Variants in THADA observed in about 807,000 individuals in gnomAD.
THADA encodes the protein THADA armadillo repeat containing.
THADA carries 213 observed loss-of-function variants against 219.8 expected under a neutral mutation model. The ratio of observed to expected loss-of-function variants is 0.97; its 90% CI spans 0.87 to 1.09. The LOEUF is 1.09. Ranked by LOEUF, THADA falls within the 50% of genes least tolerant of loss-of-function variation. The probability of loss-of-function intolerance (pLI) is 0.00; values close to 1 mark genes in which losing one functional copy is unlikely to be tolerated. For synonymous variants in THADA, 1,018 were observed against 828.9 expected, an observed-to-expected ratio of 1.23 and a Z score of -3.92; for missense variants, 2,956 against 2,311.3, an observed-to-expected ratio of 1.28 and a Z score of -5.72.
intron 29 of THADA, among the ~76,000 whole-genome samples, chr2:43,393,550 A>G (rs1265088882): frequency 6.6e-6 from 1 of 152,130 alleles, no homozygotes; most frequent in African/African-American, 2.4e-5. Context: ...TCTACTAAAA[A>G]TACAAAAATT....
rs780267647 is a variant in THADA, at chr2:43,556,379, C to T, written c.2640G>A (p.Arg880=). ...TQQVACDNGD[R]PAAVVERNTL... is the part of the protein sequence containing the mutation. ...TGTTCCTTTCCACCACAGCAGCAGG[C>T]CTATCTCCATTATCACATGCAACTT... Residue 880 remains arginine (R), a synonymous_variant, in exon 17 of 38, where the codon AGG becomes AGA. Coordinates refer to ENST00000405975, the MANE Select transcript of THADA (RefSeq NM_022065.5). 3 of 1,613,890 alleles carry T rather than the reference C, an allele frequency of 1.9e-6. No homozygotes were observed. Among genetic ancestry groups the T allele is most frequent in the Non-Finnish European group, 2.5e-6 (3 of 1,179,836 alleles).
At chr2:43,307,618 A>T (rs1461594138) in intron 31 of THADA, among the ~76,000 whole-genome samples, 3 of 152,222 alleles carry the variant, frequency 2.0e-5, no homozygotes, top group African/African-American at 4.8e-5. Context: ...CATTTGCCCT[A>T]AACTAAAGGC....
intron 36 of THADA, among the ~76,000 whole-genome samples, chr2:43,273,740 T>C (rs1215847584): frequency 1.3e-5 from 2 of 152,134 alleles, no homozygotes; most frequent in Non-Finnish European, 2.9e-5. Flanking sequence ...TCTCACTCCA[T>C]AGGGCCACTG....
chr2:43,527,802 C>T (rs891259961), intron 22 of THADA, 77 bp downstream of exon 22: 2 of 1,011,342 alleles, frequency 2.0e-6, no homozygotes, highest in African/African-American at 1.6e-5. Flanking sequence ...TCAAAAGACA[C>T]AACTAAATTC....
chr2:43,486,540 G>T (rs977046786), intron 25 of THADA: 1 of 152,154 alleles, frequency 6.6e-6, no homozygotes, highest in African/African-American at 2.4e-5. Flanking sequence ...AATTAAGTAA[G>T]TGACATAACC....
At chr2:43,327,923 T>C (rs1031333745) in intron 30 of THADA, among the ~76,000 whole-genome samples, 7 of 152,192 alleles carry the variant, frequency 4.6e-5, no homozygotes, top group African/African-American at 1.7e-4. Flanking sequence ...CTGGCCATCT[T>C]TGTAGTCTTG....
intron 30 of THADA, among the ~76,000 whole-genome samples, chr2:43,326,124 T>C (rs115290072): frequency 6.7e-6 from 1 of 149,682 alleles, no homozygotes; most frequent in Admixed American, 6.7e-5. Flanking sequence ...ACATATGCAT[T>C]AGGTCATATG....
chr2:43,444,009 C>G (rs965676125), intron 26 of THADA, among the ~76,000 whole-genome samples: 1 of 152,068 alleles, frequency 6.6e-6, no homozygotes, highest in East Asian at 1.9e-4. Context: ...TTTACTGAAT[C>G]AAAGAAAACA....
At chr2:43,591,026 T>C in intron 3 of THADA, 72 bp from the exon 4 acceptor site, 4 of 1,452,240 alleles carry the variant, frequency 2.8e-6, no homozygotes, top group Non-Finnish European at 3.8e-6. Context: ...CAGATACTCT[T>C]TGAAGTCTCA....
At chr2:43,446,360 G>C (rs1681553457) in intron 26 of THADA, among the ~76,000 whole-genome samples, 1 of 152,170 alleles carries the variant, frequency 6.6e-6, no homozygotes, top group Admixed American at 6.5e-5. Flanking sequence ...GCTTTGATCA[G>C]GCAGCAGAAG....
chr2:43,312,694 C>T (rs1270275677), intron 31 of THADA, among the ~76,000 whole-genome samples: 1 of 150,088 alleles, frequency 6.7e-6, no homozygotes, highest in African/African-American at 2.4e-5. Flanking sequence ...GGAAAACCAA[C>T]TAATTTATTG....
At chr2:43,273,494 G>A (rs753151552) in intron 36 of THADA, among the ~76,000 whole-genome samples, 2 of 152,198 alleles carry the variant, frequency 1.3e-5, no homozygotes, top group African/African-American at 4.8e-5. Flanking sequence ...GCACTTTGAA[G>A]GCGATATACC....
At chr2:43,592,513 C>G in intron 1 of THADA, 97 bp from the exon 2 acceptor site, 1 of 677,600 alleles carries the variant, frequency 1.5e-6, no homozygotes, top group Non-Finnish European at 2.5e-6. Flanking sequence ...CAGTATCATC[C>G]TATGCATTAT....
intron 14 of THADA, among the ~76,000 whole-genome samples, chr2:43,568,211 G>C (rs1247267956): frequency 6.6e-6 from 1 of 152,132 alleles, no homozygotes; most frequent in Admixed American, 6.5e-5. Context: ...AAGGTTAAAT[G>C]AGAACATGGA....
chr2:43,365,218 C>A (rs185749998), intron 29 of THADA, among the ~76,000 whole-genome samples: 319 of 152,170 alleles, frequency 2.1e-3, no homozygotes, highest in Middle Eastern at 6.8e-3. Context: ...AGCCACTGCG[C>A]CTGGCCTCAT....
intron 22 of THADA, among the ~76,000 whole-genome samples, chr2:43,514,978 AAC>A (rs1163239661): frequency 2.1e-5 from 1 of 46,718 alleles, no homozygotes; most frequent in African/African-American, 7.5e-5. Flanking sequence ...TATAATATAT[AAC>A]ATTTTATATA....
At chr2:43,400,028 G>C (rs1161662617) in intron 28 of THADA, among the ~76,000 whole-genome samples, 1 of 152,202 alleles carries the variant, frequency 6.6e-6, no homozygotes, top group Non-Finnish European at 1.5e-5. Flanking sequence ...GTTACACTGT[G>C]TTTTATGTTA....
chr2:43,337,540 G>A (rs1050433309), intron 30 of THADA, among the ~76,000 whole-genome samples: 4 of 152,112 alleles, frequency 2.6e-5, no homozygotes, highest in African/African-American at 9.7e-5. Context: ...TAAAATTTTG[G>A]TGGAGGTCTC....
At chr2:43,399,517 C>A (rs1394009326) in intron 28 of THADA, among the ~76,000 whole-genome samples, 1 of 152,122 alleles carries the variant, frequency 6.6e-6, no homozygotes, top group Non-Finnish European at 1.5e-5. Flanking sequence ...AGAATTTCAT[C>A]ATGGTGTTGG....
Sources: gnomAD v4.1 joint callset for allele counts (sites outside exome capture counted in the v4.1 genomes callset) on GRCh38, gnomAD v4.1.1 for gene constraint, MANE v1.5 for transcripts, NCBI Gene and HGNC (gene_info 2026-07-23, HGNC 2026-07-21) for gene names.